Variants in CRACD observed in about 807,000 individuals in gnomAD.
CRACD encodes capping protein inhibiting regulator of actin dynamics.
Under a neutral mutation model 106.8 loss-of-function variants are expected in CRACD, and 56 were observed. That is an observed-to-expected ratio of 0.52 (90% CI 0.42 to 0.66). CRACD has a LOEUF of 0.66. Among genes scored for constraint, CRACD ranks in the 30% least tolerant of loss-of-function variants. The pLI, the probability that CRACD is intolerant of heterozygous loss-of-function variation, is 0.00. For missense variants in CRACD, 1,730 were observed against 1,623.2 expected, an observed-to-expected ratio of 1.07 and a Z score of -1.13; for synonymous variants, 754 against 670.8, an observed-to-expected ratio of 1.12 and a Z score of -1.92.
intron 1 of CRACD, among the ~76,000 whole-genome samples, chr4:56,105,927 ATT>A (rs11314733): frequency 2.2e-4 from 31 of 143,270 alleles, no homozygotes; most frequent in Admixed American, 2.8e-4. Flanking sequence ...TGAGAAATAG[ATT>A]TTTTTTTTTT....
chr4:56,178,159 C>G (rs1006985289), intron 1 of CRACD, among the ~76,000 whole-genome samples: 1 of 152,158 alleles, frequency 6.6e-6, no homozygotes, highest in African/African-American at 2.4e-5. Flanking sequence ...CAAAATGATA[C>G]AACCGCTTCT....
At chr4:56,062,188 C>G (rs1346273185) in intron 1 of CRACD, among the ~76,000 whole-genome samples, 2 of 152,180 alleles carry the variant, frequency 1.3e-5, no homozygotes, top group African/African-American at 2.4e-5. Flanking sequence ...TCAAATAGCT[C>G]TTCTAAGTTA....
At chr4:56,247,594 C>T (rs1345309037) in intron 2 of CRACD, among the ~76,000 whole-genome samples, 2 of 152,084 alleles carry the variant, frequency 1.3e-5, no homozygotes, top group African/African-American at 4.8e-5. Context: ...GCCTGTAATC[C>T]CAGCACTTTG....
intron 1 of CRACD, among the ~76,000 whole-genome samples, chr4:56,079,868 A>G (rs891243544): frequency 3.9e-5 from 6 of 152,194 alleles, no homozygotes; most frequent in Non-Finnish European, 8.8e-5. Context: ...TAGGTTTACC[A>G]TTGGGCCAGT....
At chr4:56,149,517 C>A (rs1168998854) in intron 1 of CRACD, among the ~76,000 whole-genome samples, 1 of 152,084 alleles carries the variant, frequency 6.6e-6, no homozygotes. Context: ...TGTAAATTTG[C>A]ACATAAAACT....
At chr4:56,182,217 T>TA (rs1273255961) in intron 2 of CRACD, among the ~76,000 whole-genome samples, 1 of 151,878 alleles carries the variant, frequency 6.6e-6, no homozygotes, top group Non-Finnish European at 1.5e-5. Flanking sequence ...CCTGTCTCTA[T>TA]AAAAATCACA....
At chr4:56,142,850 AT>A (rs573614234) in intron 1 of CRACD, among the ~76,000 whole-genome samples, 16 of 152,124 alleles carry the variant, frequency 1.1e-4, no homozygotes, top group African/African-American at 3.9e-4. Flanking sequence ...AATCTCAATA[AT>A]TTTTAGATCT....
At chr4:56,317,718 C>T (rs573640329) in intron 8 of CRACD, among the ~76,000 whole-genome samples, 2 of 152,174 alleles carry the variant, frequency 1.3e-5, no homozygotes, top group African/African-American at 4.8e-5. Flanking sequence ...ATGTAAAATG[C>T]TCTGCAAATG....
chr4:56,132,032 G>A lies in CRACD; in HGVS notation c.-335-47252G>A, dbSNP rs140300183. Among the ~76,000 whole-genome samples, 752 of 152,156 alleles carry A rather than the reference G, an allele frequency of 4.9e-3. 9 individuals are homozygous for A. Among genetic ancestry groups the A allele is most frequent in the Non-Finnish European group, 8.6e-3 (584 of 67,996 alleles). Reference sequence around the variant, plus strand: ...TCTACATGATAATAGTGAAGAATATGGCTATACATTCAATTATATTTTATT... The same window carrying A: ...TCTACATGATAATAGTGAAGAATATAGCTATACATTCAATTATATTTTATT... On this transcript the variant is annotated intron_variant, in intron 1 of 10. Transcript: ENST00000682029.
At chr4:56,293,137 A>C (rs537658635) in intron 3 of CRACD, among the ~76,000 whole-genome samples, 1 of 152,250 alleles carries the variant, frequency 6.6e-6, no homozygotes, top group African/African-American at 2.4e-5. Context: ...AAGCAGGTCC[A>C]TAGAAATATC....
intron 1 of CRACD, among the ~76,000 whole-genome samples, chr4:56,164,618 G>A (rs982637518): frequency 6.6e-6 from 1 of 152,124 alleles, no homozygotes; most frequent in African/African-American, 2.4e-5. Flanking sequence ...AAACTATAGG[G>A]ACAGAAATCA....
intron 2 of CRACD, among the ~76,000 whole-genome samples, chr4:56,222,823 A>G (rs960447700): frequency 1.3e-5 from 2 of 151,918 alleles, no homozygotes; most frequent in African/African-American, 4.8e-5. Flanking sequence ...CACCGCAAAA[A>G]TTAGCTGGGC....
rs1390486829 is a variant in CRACD, at chr4:56,327,869, A to T, written c.*65A>T. 1 of 1,366,856 alleles carries T rather than the reference A, an allele frequency of 7.3e-7. No individual in the cohort carries two copies. Among genetic ancestry groups the T allele is most frequent in the East Asian group, 2.3e-5 (1 of 42,940 alleles). 84.7% of individuals were successfully genotyped at this position (1,366,856 alleles called of 1,614,324 possible). A position where few individuals can be genotyped will look rare whatever the true frequency, so the allele number is the denominator to read the frequency against. ...CCTCTCTTGCCCTTTTTATTTATTTATTTTTTATATGGGGTAAAGAAATCA... is the reference window on the plus strand; with the variant it reads ...CCTCTCTTGCCCTTTTTATTTATTTTTTTTTTATATGGGGTAAAGAAATCA... On this transcript the variant is annotated 3_prime_UTR_variant, in exon 11 of 11. Coordinates refer to ENST00000682029, the MANE Select transcript of CRACD (RefSeq NM_001393381.1).
chr4:56,171,438 A>T (rs1020239969), intron 1 of CRACD, among the ~76,000 whole-genome samples: 2 of 152,156 alleles, frequency 1.3e-5, no homozygotes, highest in African/African-American at 2.4e-5. Context: ...AGCATCATAG[A>T]TTAGGGGGGC....
intron 2 of CRACD, among the ~76,000 whole-genome samples, chr4:56,260,594 A>C (rs1469260884): frequency 1.3e-5 from 2 of 152,204 alleles, no homozygotes; most frequent in Admixed American, 1.3e-4. Context: ...TATAGGTGTA[A>C]TGAAAGTCCA....
At chr4:56,297,641 TAAG>T (rs893424060) in intron 3 of CRACD, among the ~76,000 whole-genome samples, 2 of 152,204 alleles carry the variant, frequency 1.3e-5, no homozygotes, top group African/African-American at 2.4e-5. Context: ...CAGCCACCTA[TAAG>T]GTGTTCCATA....
chr4:56,096,084 G>C (rs562023502), intron 1 of CRACD, among the ~76,000 whole-genome samples: 1 of 152,086 alleles, frequency 6.6e-6, no homozygotes, highest in Non-Finnish European at 1.5e-5. Flanking sequence ...AGGTTTGCAG[G>C]GGAGGATCAG....
intron 1 of CRACD, among the ~76,000 whole-genome samples, chr4:56,167,870 A>T (rs1736208939): frequency 6.6e-6 from 1 of 152,210 alleles, no homozygotes; most frequent in Non-Finnish European, 1.5e-5. Flanking sequence ...AACCTTGAGG[A>T]AATTATGCTA....
chr4:56,270,852 C>A (rs931982527), intron 2 of CRACD, among the ~76,000 whole-genome samples: 1 of 151,916 alleles, frequency 6.6e-6, no homozygotes, highest in African/African-American at 2.4e-5. Context: ...GAGGCCAAGG[C>A]GGACGGATCA....
Sources: allele counts gnomAD v4.1 joint callset (sites outside exome capture counted in the v4.1 genomes callset), GRCh38; gene constraint gnomAD v4.1.1; transcripts MANE v1.5; gene names NCBI Gene and HGNC (gene_info 2026-07-23, HGNC 2026-07-21).